Variants in ENTREP2 observed in about 807,000 individuals in gnomAD.
The protein encoded by ENTREP2 is protein ENTREP2.
At chr15:29,475,293 T>C in the ENTREP2 span, among the ~76,000 whole-genome samples, 1 of 152,084 alleles carries the variant, frequency 6.6e-6, no homozygotes, top group Non-Finnish European at 1.5e-5. Flanking sequence ...ACGCTCTTGG[T>C]GTCATCACTA....
the ENTREP2 span, among the ~76,000 whole-genome samples, chr15:29,654,214 C>T: frequency 3.3e-5 from 5 of 152,106 alleles, no homozygotes; most frequent in Non-Finnish European, 7.4e-5. Flanking sequence ...TGTAATTGTA[C>T]ACTAAATTCT....
At chr15:29,651,830 G>A in the ENTREP2 span, among the ~76,000 whole-genome samples, 2 of 152,238 alleles carry the variant, frequency 1.3e-5, no homozygotes, top group Non-Finnish European at 2.9e-5. Flanking sequence ...GCTTGGTGCT[G>A]GCCTGCAGGT....
chr15:29,652,023 C>T, the ENTREP2 span, among the ~76,000 whole-genome samples: 1 of 152,116 alleles, frequency 6.6e-6, no homozygotes, highest in Non-Finnish European at 1.5e-5. Flanking sequence ...TTCCTGGGCC[C>T]GCCCATGGCT....
chr15:29,329,369 A>C, the ENTREP2 span, among the ~76,000 whole-genome samples: 1 of 152,160 alleles, frequency 6.6e-6, no homozygotes, highest in Non-Finnish European at 1.5e-5. Context: ...TCTCAAAAAA[A>C]AAAAAAAAAG....
chr15:29,151,572 C>T, the ENTREP2 span, among the ~76,000 whole-genome samples: 6 of 152,210 alleles, frequency 3.9e-5, no homozygotes, highest in African/African-American at 1.4e-4. Context: ...AGCGGCGCCA[C>T]GTGTGCAGAT....
the ENTREP2 span, among the ~76,000 whole-genome samples, chr15:29,436,223 T>C: frequency 1.3e-5 from 2 of 152,208 alleles, no homozygotes; most frequent in Non-Finnish European, 2.9e-5. Flanking sequence ...AAAATGTAGC[T>C]GTTTAATTCA....
chr15:29,359,179 G>GA, the ENTREP2 span, among the ~76,000 whole-genome samples: 2 of 152,100 alleles, frequency 1.3e-5, no homozygotes, highest in Non-Finnish European at 2.9e-5. Context: ...AGCTGTTATG[G>GA]AAAAAAACTG....
the ENTREP2 span, among the ~76,000 whole-genome samples, chr15:29,189,353 C>A: frequency 1.3e-5 from 2 of 151,462 alleles, no homozygotes; most frequent in Non-Finnish European, 2.9e-5. Context: ...ATGAATACAT[C>A]TGGTGTCAGA....
chr15:29,539,972 C>T, the ENTREP2 span, among the ~76,000 whole-genome samples: 3 of 152,118 alleles, frequency 2.0e-5, no homozygotes, highest in Non-Finnish European at 4.4e-5. Flanking sequence ...CTCACTGCCT[C>T]CCAAGAGACA....
chr15:29,433,131 G>A, the ENTREP2 span, among the ~76,000 whole-genome samples: 6 of 152,276 alleles, frequency 3.9e-5, no homozygotes, highest in African/African-American at 1.2e-4. Flanking sequence ...CGACGGTCCT[G>A]GCACTCTGTG....
At chr15:29,235,966 A>AAAAAC in the ENTREP2 span, among the ~76,000 whole-genome samples, 1 of 135,024 alleles carries the variant, frequency 7.4e-6, no homozygotes, top group African/African-American at 2.7e-5. Flanking sequence ...CCATCTCAAA[A>AAAAAC]AAAACAAAAC....
At chr15:29,407,575 A>G in the ENTREP2 span, among the ~76,000 whole-genome samples, 2 of 152,148 alleles carry the variant, frequency 1.3e-5, no homozygotes, top group African/African-American at 4.8e-5. Context: ...TAGGAGCCAT[A>G]GTGCACCAGG....
the ENTREP2 span, among the ~76,000 whole-genome samples, chr15:29,367,225 A>G: frequency 6.6e-6 from 1 of 152,182 alleles, no homozygotes; most frequent in African/African-American, 2.4e-5. Flanking sequence ...GTACCCTTGA[A>G]AAATAAAAGC....
the ENTREP2 span, among the ~76,000 whole-genome samples, chr15:29,414,017 C>T: frequency 5.9e-5 from 9 of 152,110 alleles, no homozygotes; most frequent in African/African-American, 1.9e-4. Flanking sequence ...TAGTGACCTA[C>T]AAAGAGACTT....
At chr15:29,450,193 T>C in the ENTREP2 span, among the ~76,000 whole-genome samples, 1 of 152,218 alleles carries the variant, frequency 6.6e-6, no homozygotes, top group Non-Finnish European at 1.5e-5. Flanking sequence ...TCCCATCCTG[T>C]AGGCTGCCTG....
chr15:29,390,513 G>A, the ENTREP2 span, among the ~76,000 whole-genome samples: 18 of 152,172 alleles, frequency 1.2e-4, no homozygotes, highest in African/African-American at 4.1e-4. Context: ...TCACAAGGAC[G>A]CCAACTCGCT....
At chr15:29,529,232 TG>T in the ENTREP2 span, among the ~76,000 whole-genome samples, 1 of 122,752 alleles carries the variant, frequency 8.1e-6, no homozygotes, top group Non-Finnish European at 1.8e-5. Flanking sequence ...GAGGGGTGTG[TG>T]AGGGTGTGGA....
At chr15:29,471,007 T>C in the ENTREP2 span, among the ~76,000 whole-genome samples, 1 of 152,016 alleles carries the variant, frequency 6.6e-6, no homozygotes, top group South Asian at 2.1e-4. Flanking sequence ...TAAACAGAGG[T>C]GGGGCATTGG....
At chr15:29,448,908 G>A in the ENTREP2 span, among the ~76,000 whole-genome samples, 2 of 152,134 alleles carry the variant, frequency 1.3e-5, no homozygotes, top group South Asian at 4.1e-4. Context: ...CCTGGGTCTA[G>A]GAGCCTGATT....
Sources: gnomAD v4.1 joint callset for allele counts (sites outside exome capture counted in the v4.1 genomes callset) on GRCh38, gnomAD v4.1.1 for gene constraint, MANE v1.5 for transcripts, NCBI Gene and HGNC (gene_info 2026-07-23, HGNC 2026-07-21) for gene names.